NGEF: variants seen among roughly 807,000 people sequenced by gnomAD.
NGEF encodes the protein neuronal guanine nucleotide exchange factor, also known as ephexin-1.
Under a neutral mutation model 80.9 loss-of-function variants are expected in NGEF, and 31 were observed. The ratio of observed to expected loss-of-function variants is 0.38; its 90% CI spans 0.29 to 0.52. NGEF has a LOEUF of 0.52. Among genes scored for constraint, NGEF ranks in the 20% least tolerant of loss-of-function variants. NGEF has a pLI of 0.84. For synonymous variants in NGEF, 371 were observed against 370.2 expected (o/e 1.00, Z -0.03); for missense variants, 709 against 926.2 (o/e 0.77, Z 3.04).
chr2:232,935,594 G>C (rs1273492913), intron 3 of NGEF, among the ~76,000 whole-genome samples: 1 of 152,130 alleles, frequency 6.6e-6, no homozygotes, highest in Non-Finnish European at 1.5e-5. Context: ...CTCCAGCCTG[G>C]TTGACAGAGT....
At chr2:233,006,156 C>A (rs908647336) in intron 1 of NGEF, among the ~76,000 whole-genome samples, 3 of 152,126 alleles carry the variant, frequency 2.0e-5, no homozygotes, top group African/African-American at 7.2e-5. Context: ...TTTTTGACAG[C>A]AGCAATTGAA....
At chr2:232,920,151 A>T (rs1692906185) in intron 5 of NGEF, 133 bp downstream of exon 5, 1 of 823,920 alleles carries the variant, frequency 1.2e-6, no homozygotes, top group Non-Finnish European at 1.9e-6. Context: ...CATGTTCTAG[A>T]TGGACAACCC....
chr2:232,895,923 G>C (rs1040219388), intron 5 of NGEF, among the ~76,000 whole-genome samples: 9 of 152,154 alleles, frequency 5.9e-5, no homozygotes, highest in African/African-American at 2.2e-4. Flanking sequence ...TAGCTGACTA[G>C]GATCTAACAG....
chr2:233,006,833 A>C (rs1008285042), intron 1 of NGEF, among the ~76,000 whole-genome samples: 5 of 152,184 alleles, frequency 3.3e-5, no homozygotes, highest in Non-Finnish European at 7.3e-5. Context: ...TAACCGACTC[A>C]TCCGAGGTCA....
intron 1 of NGEF, among the ~76,000 whole-genome samples, chr2:232,996,923 T>C (rs571517572): frequency 6.6e-5 from 10 of 152,348 alleles, no homozygotes; most frequent in African/African-American, 2.4e-4. Flanking sequence ...AGAACTTTAT[T>C]GCCACTTCAG....
intron 3 of NGEF, among the ~76,000 whole-genome samples, chr2:232,969,333 A>C (rs4490170): frequency 0.87 from 132,323 of 151,774 alleles, 57,915 homozygotes; most frequent in African/African-American, 0.93. Context: ...TGGCCTCAAA[A>C]TCCTGGGCTC....
At position 233,011,670 on chromosome 2, in the gene NGEF, G is replaced by A. The variant is rs73107130; in HGVS notation, c.-75+1398C>T. Among the ~76,000 whole-genome samples the A allele has an allele frequency of 3.7e-3, 566 of 151,378 alleles. 6 individuals are homozygous for A. The highest frequency in any genetic ancestry group is 0.013 in the African/African-American group (536 of 41,242). ...TGCAGTGATATGATCATAGCCCACC[G>A]CATGACTTCTGGGCTCAAGCAGCCC... is the stretch of plus-strand genomic sequence containing the variant. On this transcript the variant is annotated intron_variant, in intron 1 of 14. Coordinates refer to ENST00000264051, the MANE Select transcript of NGEF (RefSeq NM_019850.3).
Position 232,881,231 on chromosome 2 carries a change from G to T in NGEF, c.1857C>A (p.Cys619Ter). The T allele has an allele frequency of 6.2e-7, 1 of 1,608,978 alleles. No homozygotes were observed. The change falls in exon 14 of 15, where the codon TGC becomes TGA. Residue 619 changes from cysteine (C) to a stop codon, truncating the protein, a stop_gained. Transcript: ENST00000264051. LOFTEE classifies it high-confidence loss of function. The stretch of plus-strand genomic sequence containing the variant: ...GCTGCTGAGCCACGTATGGGTGCAC[G>T]CACTGGACCTGGGGGCAGTCTGAGG... ...SRLLDCPQVQCVHPYVAQQPD... is the reference protein window; with the variant it reads ...SRLLDCPQVQ
rs567502152 is a variant in NGEF at position 232,890,441 on chromosome 2, G to C, written c.1272+917C>G. ...AGGCACCTTTCTCTCCTTCCTTGGC[G>C]GCCTCTTCGGTTAATTACCACCTTG... On this transcript the variant is annotated intron_variant, in intron 8 of 14. Coordinates refer to ENST00000264051, the MANE Select transcript of NGEF (RefSeq NM_019850.3). 5.9e-5 allele frequency among the ~76,000 whole-genome samples: 9 copies of C among 152,154 alleles called. No individual in the cohort carries two copies. In the South Asian group the frequency reaches 1.9e-3, roughly 32 times the overall value.
intron 1 of NGEF, among the ~76,000 whole-genome samples, chr2:232,988,152 C>T (rs1694576925): frequency 6.6e-6 from 1 of 151,546 alleles, no homozygotes; most frequent in Non-Finnish European, 1.5e-5. Context: ...GTAGAGGTGC[C>T]TTAGCTGGCT....
intron 3 of NGEF, among the ~76,000 whole-genome samples, chr2:232,938,741 G>A (rs201586971): frequency 4.0e-3 from 483 of 121,040 alleles, no homozygotes; most frequent in Middle Eastern, 9.3e-3. Flanking sequence ...CCTGTCTTAA[G>A]AAAAAAAAAA....
chr2:232,988,996 C>T (rs1005689931), intron 1 of NGEF, among the ~76,000 whole-genome samples: 2 of 152,020 alleles, frequency 1.3e-5, no homozygotes, highest in African/African-American at 4.8e-5. Context: ...GAAGGAGTTA[C>T]AAGAAATTAG....
At chr2:232,985,659 C>T (rs371971182) in intron 1 of NGEF, among the ~76,000 whole-genome samples, 70 of 152,082 alleles carry the variant, frequency 4.6e-4, no homozygotes, top group African/African-American at 1.4e-3. Flanking sequence ...AGGCTAAGGC[C>T]GGAGAATGGC....
intron 3 of NGEF, among the ~76,000 whole-genome samples, chr2:232,950,442 A>ACC (rs1277436620): frequency 6.7e-6 from 1 of 149,408 alleles, no homozygotes. Flanking sequence ...TGGCAGTGGG[A>ACC]CCCCCCACCC....
At chr2:232,889,422 T>C (rs1051844269) in intron 8 of NGEF, among the ~76,000 whole-genome samples, 6 of 152,222 alleles carry the variant, frequency 3.9e-5, no homozygotes, top group African/African-American at 1.4e-4. Flanking sequence ...CCCCTTTCTC[T>C]GAGCCCTTCC....
At chr2:232,901,451 G>A (rs890316339) in intron 5 of NGEF, 6 of 985,124 alleles carry the variant, frequency 6.1e-6, no homozygotes, top group Non-Finnish European at 6.0e-6. Context: ...GGCTTCTCCC[G>A]ACCCCTGTGT....
chr2:232,951,805 G>C (rs563804225), intron 3 of NGEF, among the ~76,000 whole-genome samples: 6 of 152,280 alleles, frequency 3.9e-5, no homozygotes, highest in African/African-American at 1.2e-4. Flanking sequence ...ATGGGTTCTT[G>C]TACTGCATGC....
At chr2:232,974,073 A>T (rs1447979944) in intron 2 of NGEF, among the ~76,000 whole-genome samples, 1 of 152,148 alleles carries the variant, frequency 6.6e-6, no homozygotes, top group Non-Finnish European at 1.5e-5. Context: ...CCAACACCCC[A>T]TTTGTAAAGT....
chr2:232,997,480 C>T (rs1056784798), intron 1 of NGEF, among the ~76,000 whole-genome samples: 6 of 152,100 alleles, frequency 3.9e-5, no homozygotes, highest in African/African-American at 4.8e-5. Context: ...AAGCCAGAAC[C>T]CCCGGGCACC....
Sources: gnomAD v4.1 joint callset for allele counts (sites outside exome capture counted in the v4.1 genomes callset) on GRCh38, gnomAD v4.1.1 for gene constraint, MANE v1.5 for transcripts, NCBI Gene and HGNC (gene_info 2026-07-23, HGNC 2026-07-21) for gene names.